Variants in SCFD2 observed in about 807,000 individuals in gnomAD.
The protein encoded by SCFD2 is sec1 family domain-containing protein 2.
A neutral mutation model predicts 58.9 loss-of-function variants in SCFD2; 54 were observed. That is an observed-to-expected ratio of 0.92 (90% CI 0.74 to 1.15). The LOEUF (loss-of-function observed/expected upper bound fraction) is 1.15. Among genes scored for constraint, SCFD2 ranks in the 50% most tolerant of loss-of-function variants. The probability of loss-of-function intolerance (pLI) is 0.00; values close to 1 mark genes in which losing one functional copy is unlikely to be tolerated. For missense variants in SCFD2, 805 were observed against 836.6 expected, an observed-to-expected ratio of 0.96 and a Z score of 0.47; for synonymous variants, 321 against 335.9, an observed-to-expected ratio of 0.96 and a Z score of 0.49.
At chr4:53,056,736 C>T (rs746252084) in intron 5 of SCFD2, among the ~76,000 whole-genome samples, 5 of 152,082 alleles carry the variant, frequency 3.3e-5, no homozygotes, top group Non-Finnish European at 7.3e-5. Flanking sequence ...TCGACATCCC[C>T]CACTCTTCAG....
At chr4:53,160,638 A>C (rs1326921000) in intron 4 of SCFD2, among the ~76,000 whole-genome samples, 2 of 152,216 alleles carry the variant, frequency 1.3e-5, no homozygotes, top group Non-Finnish European at 2.9e-5. Flanking sequence ...CCCAGGACAA[A>C]AAAAGAGAAT....
chr4:53,324,549 G>A (rs1733123119), intron 2 of SCFD2, among the ~76,000 whole-genome samples: 2 of 152,188 alleles, frequency 1.3e-5, no homozygotes, highest in Non-Finnish European at 2.9e-5. Context: ...GCCACATGGG[G>A]AAGCACCAGC....
At chr4:53,252,217 G>C (rs1730413758) in intron 4 of SCFD2, among the ~76,000 whole-genome samples, 1 of 139,244 alleles carries the variant, frequency 7.2e-6, no homozygotes, top group African/African-American at 2.7e-5. Flanking sequence ...ACAAACCACT[G>C]CTCAAGGAAA....
At chr4:53,261,171 GC>G (rs1730817787) in intron 4 of SCFD2, among the ~76,000 whole-genome samples, 1 of 151,916 alleles carries the variant, frequency 6.6e-6, no homozygotes, top group Non-Finnish European at 1.5e-5. Context: ...CAAAGAACCA[GC>G]TTTTTGTTTC....
At chr4:52,948,359 G>A (rs1720496564) in intron 5 of SCFD2, 1 of 296,002 alleles carries the variant, frequency 3.4e-6, no homozygotes, top group African/African-American at 2.2e-5. Context: ...TGCAGCTGCG[G>A]CACCATAGAA....
At chr4:53,117,006 C>T (rs549127328) in intron 5 of SCFD2, among the ~76,000 whole-genome samples, 3 of 152,170 alleles carry the variant, frequency 2.0e-5, no homozygotes, top group Non-Finnish European at 4.4e-5. Flanking sequence ...TCTAACTAGA[C>T]CTAGACAAAA....
chr4:53,145,636 A>G, intron 4 of SCFD2, 54 bp from the exon 5 acceptor site: 1 of 1,486,170 alleles, frequency 6.7e-7, no homozygotes, highest in Non-Finnish European at 9.3e-7. Flanking sequence ...GACATAATTT[A>G]TGGATTACAT....
At chr4:53,317,192 C>G (rs1362416753) in intron 2 of SCFD2, among the ~76,000 whole-genome samples, 1 of 152,022 alleles carries the variant, frequency 6.6e-6, no homozygotes, top group Non-Finnish European at 1.5e-5. Flanking sequence ...TTTCTAAACA[C>G]GTCATACTAA....
chr4:52,963,548 T>C (rs191041046), intron 5 of SCFD2, among the ~76,000 whole-genome samples: 248 of 152,368 alleles, frequency 1.6e-3, no homozygotes, highest in African/African-American at 5.7e-3. Flanking sequence ...CACCCTGCCC[T>C]GTTCCTTATC....
intron 4 of SCFD2, among the ~76,000 whole-genome samples, chr4:53,159,313 G>C (rs150233490): frequency 6.6e-6 from 1 of 152,194 alleles, no homozygotes; most frequent in Non-Finnish European, 1.5e-5. Flanking sequence ...ACTTGTCGAA[G>C]ATATCAGCTG....
intron 6 of SCFD2, among the ~76,000 whole-genome samples, chr4:52,910,923 T>C (rs1036985635): frequency 6.6e-6 from 1 of 152,190 alleles, no homozygotes; most frequent in Admixed American, 6.5e-5. Flanking sequence ...TGATTGTAAG[T>C]TTCCTGAGGC....
intron 6 of SCFD2, among the ~76,000 whole-genome samples, chr4:52,908,690 C>T (rs1018921504): frequency 1.3e-5 from 2 of 152,104 alleles, no homozygotes; most frequent in South Asian, 2.1e-4. Context: ...CAAATTTTCC[C>T]TTTCCAATTT....
In SCFD2 at chr4:53,000,706, T is replaced by C. The variant is rs141337484; in HGVS notation, c.1562-79836A>G. Among the ~76,000 whole-genome samples the C allele has an allele frequency of 2.6e-5, 4 of 152,294 alleles. No homozygotes were observed. The East Asian group carries it at 7.7e-4, about 29-fold the overall frequency. ...GTGGGTATCCTTTGAACAGGTTTGG[T>C]AGATTTGTACCAGCAGAGAGAAGCA... On this transcript the variant is annotated intron_variant, in intron 5 of 8. Coordinates refer to ENST00000401642, the MANE Select transcript of SCFD2 (RefSeq NM_152540.4).
intron 2 of SCFD2, among the ~76,000 whole-genome samples, chr4:53,339,328 T>C (rs975233767): frequency 6.6e-6 from 1 of 150,698 alleles, no homozygotes; most frequent in African/African-American, 2.4e-5. Flanking sequence ...TTATTACATA[T>C]ATATGTATAC....
chr4:53,132,928 A>G (rs1459788611), intron 5 of SCFD2, among the ~76,000 whole-genome samples: 1 of 152,212 alleles, frequency 6.6e-6, no homozygotes, highest in Non-Finnish European at 1.5e-5. Flanking sequence ...ATATCCTGAA[A>G]TTTGATGAAT....
intron 1 of SCFD2, among the ~76,000 whole-genome samples, chr4:53,353,136 C>T (rs904816086): frequency 6.6e-6 from 1 of 152,194 alleles, no homozygotes; most frequent in East Asian, 1.9e-4. Flanking sequence ...TTTGTTCCTT[C>T]TGATGTTCGG....
At chr4:53,121,399 T>A (rs1303620209) in intron 5 of SCFD2, among the ~76,000 whole-genome samples, 2 of 152,170 alleles carry the variant, frequency 1.3e-5, no homozygotes, top group Non-Finnish European at 2.9e-5. Flanking sequence ...ATCCAGCTAT[T>A]CATGTGAAGT....
At chr4:53,045,472 G>C (rs189497814) in intron 5 of SCFD2, among the ~76,000 whole-genome samples, 1 of 152,020 alleles carries the variant, frequency 6.6e-6, no homozygotes, top group African/African-American at 2.4e-5. Context: ...TTAAAGGTTT[G>C]AATACTACTA....
At chr4:53,254,621 G>C (rs1730527522) in intron 4 of SCFD2, among the ~76,000 whole-genome samples, 1 of 151,120 alleles carries the variant, frequency 6.6e-6, no homozygotes, top group Non-Finnish European at 1.5e-5. Flanking sequence ...TTACAGGCTT[G>C]AGCCACTGCA....
Sources: gnomAD v4.1 joint callset for allele counts (sites outside exome capture counted in the v4.1 genomes callset) on GRCh38, gnomAD v4.1.1 for gene constraint, MANE v1.5 for transcripts, NCBI Gene and HGNC (gene_info 2026-07-23, HGNC 2026-07-21) for gene names.